The following SHLD1 variants were observed in gnomAD, a reference collection of about 807,000 sequenced individuals.
SHLD1 encodes shieldin complex subunit 1.
Under a neutral mutation model 5.5 loss-of-function variants are expected in SHLD1, and 3 were observed. The observed-to-expected ratio is 0.54, with a 90% confidence interval of 0.25 to 1.40. The LOEUF (loss-of-function observed/expected upper bound fraction) is 1.40, where lower values mean the gene tolerates loss of function less well. Among genes scored for constraint, SHLD1 ranks in the 40% most tolerant of loss-of-function variants. The pLI, the probability that SHLD1 is intolerant of heterozygous loss-of-function variation, is 0.15. For synonymous variants in SHLD1, 92 were observed against 94.3 expected (o/e 0.98, Z 0.14); for missense variants, 210 against 244.4 (o/e 0.86, Z 0.94).
intron 1 of SHLD1, among the ~76,000 whole-genome samples, chr20:5,772,554 A>G (rs1373361885): frequency 6.6e-6 from 1 of 152,216 alleles, no homozygotes; most frequent in Non-Finnish European, 1.5e-5. Context: ...GAAACTGCAG[A>G]GAGCAAAATC....
At chr20:5,849,556 C>A (rs534927784) in intron 2 of SHLD1, among the ~76,000 whole-genome samples, 2 of 152,340 alleles carry the variant, frequency 1.3e-5, no homozygotes, top group African/African-American at 4.8e-5. Context: ...CCAGGTATAT[C>A]AGCCCCACTC....
At chr20:5,794,059 G>A (rs1291070191) in intron 2 of SHLD1, among the ~76,000 whole-genome samples, 1 of 151,602 alleles carries the variant, frequency 6.6e-6, no homozygotes, top group Admixed American at 6.6e-5. Context: ...AAAAAATCAC[G>A]TTCTACATTT....
At chr20:5,772,719 C>G (rs2122241298) in intron 1 of SHLD1, 143 bp from the exon 2 acceptor site, 1 of 738,878 alleles carries the variant, frequency 1.4e-6, no homozygotes, top group East Asian at 2.8e-5. Context: ...CAAGACCAGC[C>G]TGGGCAACTT....
intron 2 of SHLD1, among the ~76,000 whole-genome samples, chr20:5,775,262 C>T (rs542177262): frequency 2.0e-4 from 30 of 151,842 alleles, no homozygotes; most frequent in African/African-American, 5.8e-4. Flanking sequence ...AGGCAAGTCT[C>T]GAACTCTTGG....
intron 2 of SHLD1, among the ~76,000 whole-genome samples, chr20:5,814,654 CTTTT>C (rs148119460): frequency 3.9e-5 from 4 of 103,808 alleles, no homozygotes; most frequent in East Asian, 2.7e-4. Flanking sequence ...TTTTCTTCTT[CTTTT>C]TTTTTTTTTT....
At chr20:5,821,887 A>G (rs911717244) in intron 2 of SHLD1, among the ~76,000 whole-genome samples, 1 of 152,196 alleles carries the variant, frequency 6.6e-6, no homozygotes, top group African/African-American at 2.4e-5. Flanking sequence ...ACAGCCAAAC[A>G]GAAGCCCTGG....
At position 5,772,950 on chromosome 20, in the gene SHLD1, T is replaced by C. The variant is rs1191894322; in HGVS notation, c.85T>C (p.Tyr29His). ...GCCATCAGCGTGTGACATAAGAGAT[T>C]ACGTCCTGCAGGGACCCAGCCAAGA... ...DLPSACDIRD[Y>H]VLQGPSQEAN... Residue 29 changes from tyrosine (Y) to histidine (H), a missense_variant, in exon 2 of 3, where the codon TAC becomes CAC. Physicochemically the swap from Tyr to His is moderately conservative, Grantham distance 83 (BLOSUM62 2). Coordinates refer to ENST00000303142, the MANE Select transcript of SHLD1 (RefSeq NM_152504.4). The C allele has an allele frequency of 1.2e-6, 2 of 1,614,052 alleles. No individual in the cohort carries two copies.
At chr20:5,766,639 C>G (rs1984844056) in intron 1 of SHLD1, among the ~76,000 whole-genome samples, 2 of 152,154 alleles carry the variant, frequency 1.3e-5, no homozygotes, top group Non-Finnish European at 2.9e-5. Context: ...GATTACCTGC[C>G]TCATAGGGTT....
chr20:5,828,981 C>T (rs1411473793), intron 2 of SHLD1, among the ~76,000 whole-genome samples: 1 of 152,160 alleles, frequency 6.6e-6, no homozygotes, highest in Non-Finnish European at 1.5e-5. Context: ...TCAGGTGATT[C>T]TCCCACCTCA....
At chr20:5,760,548 T>G (rs1453894313) in intron 1 of SHLD1, among the ~76,000 whole-genome samples, 3 of 151,684 alleles carry the variant, frequency 2.0e-5, no homozygotes, top group African/African-American at 7.3e-5. Context: ...CAAAAATTAG[T>G]CGGGCATGGT....
intron 2 of SHLD1, among the ~76,000 whole-genome samples, chr20:5,788,437 A>G (rs768628579): frequency 1.3e-5 from 2 of 152,216 alleles, no homozygotes; most frequent in African/African-American, 4.8e-5. Flanking sequence ...TTAAAATAAT[A>G]TTGCATGTTT....
intron 2 of SHLD1, among the ~76,000 whole-genome samples, chr20:5,792,827 A>G (rs1279905351): frequency 6.6e-6 from 1 of 151,590 alleles, no homozygotes; most frequent in Non-Finnish European, 1.5e-5. Context: ...GCGTGCGCCA[A>G]TATGCCTGGC....
chr20:5,817,426 CTCTCTCTGTGTG>C (rs1372881479), intron 2 of SHLD1, among the ~76,000 whole-genome samples: 11 of 126,964 alleles, frequency 8.7e-5, no homozygotes, highest in Admixed American at 3.8e-4. Flanking sequence ...CTCTCTCTCT[CTCTCTCTGTGTG>C]TGTGTGTGTG....
chr20:5,822,737 C>T (rs934839769), intron 2 of SHLD1, among the ~76,000 whole-genome samples: 1 of 151,940 alleles, frequency 6.6e-6, no homozygotes, highest in Non-Finnish European at 1.5e-5. Flanking sequence ...ACCGTTAACC[C>T]CTCACTCCTG....
At chr20:5,800,431 C>T (rs905860107) in intron 2 of SHLD1, among the ~76,000 whole-genome samples, 10 of 152,162 alleles carry the variant, frequency 6.6e-5, no homozygotes, top group African/African-American at 1.4e-4. Flanking sequence ...TGGTGGCTCA[C>T]GCCTGTACTC....
Position 5,752,896 on chromosome 20 carries a change from G to A in SHLD1, c.-5+2417G>A, listed in dbSNP as rs143858928. Among the ~76,000 whole-genome samples the A allele has an allele frequency of 7.2e-5, 11 of 152,250 alleles. No individual in the cohort carries two copies. The East Asian group carries it at 2.1e-3, about 29-fold the overall frequency. ...TGCAACCTCCACCTCCTGGGTTCAA[G>A]CGATTCTCCTGCCTCAGCCTACGGC... On this transcript the variant is annotated intron_variant, in intron 1 of 2. Coordinates refer to ENST00000303142, the MANE Select transcript of SHLD1 (RefSeq NM_152504.4).
At chr20:5,758,839 A>C (rs1369579267) in intron 1 of SHLD1, among the ~76,000 whole-genome samples, 1 of 151,986 alleles carries the variant, frequency 6.6e-6, no homozygotes, top group Non-Finnish European at 1.5e-5. Flanking sequence ...TTATGAGTTG[A>C]AATGAGCCAA....
At chr20:5,771,975 AG>A in intron 1 of SHLD1, 1 of 430,948 alleles carries the variant, frequency 2.3e-6, no homozygotes, top group Non-Finnish European at 4.6e-6. Flanking sequence ...CGCAAGTTCA[AG>A]GGATTCTCTT....
chr20:5,851,484 C>T (rs190007510), intron 2 of SHLD1, among the ~76,000 whole-genome samples: 1 of 149,942 alleles, frequency 6.7e-6, no homozygotes, highest in Non-Finnish European at 1.5e-5. Context: ...GAGTGAGACC[C>T]CTGTCTCCTT....
Sources: allele counts gnomAD v4.1 joint callset (sites outside exome capture counted in the v4.1 genomes callset), GRCh38; gene constraint gnomAD v4.1.1; transcripts MANE v1.5; gene names NCBI Gene and HGNC (gene_info 2026-07-23, HGNC 2026-07-21).